SMG1: variants seen among roughly 807,000 people sequenced by gnomAD.
SMG1 encodes the protein serine/threonine-protein kinase SMG1.
A neutral mutation model predicts 419.9 loss-of-function variants in SMG1; 22 were observed. The observed-to-expected ratio is 0.05, with a 90% CI of 0.04 to 0.07. The LOEUF (loss-of-function observed/expected upper bound fraction) is 0.07. Among genes scored for constraint, SMG1 ranks in the 10% least tolerant of loss-of-function variants. The pLI, the probability that SMG1 is intolerant of heterozygous loss-of-function variation, is 1.00. For missense variants in SMG1, 3,185 were observed against 4,342.0 expected, an observed-to-expected ratio of 0.73 and a Z score of 7.49; for synonymous variants, 1,538 against 1,553.5, an observed-to-expected ratio of 0.99 and a Z score of 0.23.
intron 55 of SMG1, among the ~76,000 whole-genome samples, 192 bp from the exon 56 acceptor site, chr16:18,819,846 T>C (rs1385479465): frequency 6.6e-6 from 1 of 152,242 alleles, no homozygotes; most frequent in East Asian, 1.9e-4. Flanking sequence ...GCCAAACATG[T>C]ATGGAGAGAG....
chr16:18,872,848 C>T (rs1035112869), intron 13 of SMG1, among the ~76,000 whole-genome samples: 7 of 152,152 alleles, frequency 4.6e-5, no homozygotes, highest in Non-Finnish European at 7.3e-5. Flanking sequence ...CCTCGTCTAT[C>T]GCTACAGTAA....
intron 35 of SMG1, 125 bp downstream of exon 35, chr16:18,849,824 C>G: frequency 1.1e-6 from 1 of 907,528 alleles, no homozygotes; most frequent in South Asian, 1.8e-5. Context: ...GCAGGGTGTC[C>G]TAGGAAGTTA....
At chr16:18,811,357 T>C (rs2031380719) in intron 62 of SMG1, among the ~76,000 whole-genome samples, 1 of 152,208 alleles carries the variant, frequency 6.6e-6, no homozygotes, top group African/African-American at 2.4e-5. Context: ...ACTTATGGCA[T>C]CATGTCAACT....
intron 1 of SMG1, among the ~76,000 whole-genome samples, chr16:18,919,650 G>GTGTGTGTGTA (rs1314775703): frequency 3.7e-5 from 3 of 82,004 alleles, no homozygotes; most frequent in African/African-American, 1.0e-4. Flanking sequence ...GTGTGTGTGT[G>GTGTGTGTGTA]TATATATACA....
chr16:18,865,015 T>C (rs2035424996), intron 23 of SMG1, among the ~76,000 whole-genome samples: 8 of 152,192 alleles, frequency 5.3e-5, no homozygotes, highest in Admixed American at 5.2e-4. Flanking sequence ...TGGAAAGGCT[T>C]TGTAGAAGGA....
Position 18,892,276 on chromosome 16 carries a change from C to T in SMG1, c.491G>A (p.Arg164Gln). The change falls in exon 4 of 63, where the codon CGA becomes CAA. Residue 164 changes from arginine to glutamine, a missense_variant. Physicochemically the swap from Arg to Gln is conservative, Grantham distance 43 (BLOSUM62 1). Transcript: ENST00000446231. ...CAACTGCTTTACAGTAGCCAATCTTCGGTCTCTGTCGTCTTCCCGGGTGAT... is the reference window on the plus strand; with the variant it reads ...CAACTGCTTTACAGTAGCCAATCTTTGGTCTCTGTCGTCTTCCCGGGTGAT... The part of the protein sequence containing the change: ...RRITREDDRD[R>Q]RLATVKQLKE... 2 of 1,551,624 alleles carry T rather than the reference C, an allele frequency of 1.3e-6. No homozygotes were observed. Among genetic ancestry groups the T allele is most frequent in the Non-Finnish European group, 1.7e-6 (2 of 1,147,040 alleles).
chr16:18,913,549 T>C (rs538214317), intron 1 of SMG1, among the ~76,000 whole-genome samples: 231 of 152,138 alleles, frequency 1.5e-3, no homozygotes, highest in Non-Finnish European at 2.5e-3. Context: ...AGCTAATATA[T>C]GTCACTATGT....
At chr16:18,905,615 A>T (rs1375955602) in intron 1 of SMG1, among the ~76,000 whole-genome samples, 154 of 135,268 alleles carry the variant, frequency 1.1e-3, no homozygotes, top group African/African-American at 2.8e-3. Flanking sequence ...TCTTCATTTC[A>T]TTTTTTTTTT....
intron 1 of SMG1, among the ~76,000 whole-genome samples, chr16:18,910,287 G>C (rs1045936924): frequency 6.7e-6 from 1 of 149,754 alleles, no homozygotes; most frequent in African/African-American, 2.5e-5. Context: ...CTGGAGTGCA[G>C]TGGTGTGATC....
chr16:18,813,911 A>C (rs1173638784), intron 60 of SMG1, among the ~76,000 whole-genome samples: 1 of 151,488 alleles, frequency 6.6e-6, no homozygotes. Flanking sequence ...GGTTCTTGTA[A>C]TTCCAGCTAC....
chr16:18,849,474 G>T (rs1329069434), intron 35 of SMG1, 96 bp from the exon 36 acceptor site: 10 of 1,156,240 alleles, frequency 8.6e-6, no homozygotes, highest in Non-Finnish European at 1.1e-5. Flanking sequence ...CGTGATGTGT[G>T]TCGGCATTAG....
intron 45 of SMG1, 148 bp downstream of exon 45, chr16:18,837,863 ACAT>A: frequency 1.4e-6 from 1 of 724,082 alleles, no homozygotes; most frequent in East Asian, 2.7e-5. Flanking sequence ...TAAAAAGTTA[ACAT>A]CAAACTGCCA....
chr16:18,860,829 TA>T (rs35708183), intron 25 of SMG1, 53 bp from the exon 26 acceptor site: 268,285 of 732,148 alleles, frequency 0.37, 50,289 homozygotes, highest in Middle Eastern at 0.39. Flanking sequence ...GTGGAACCAT[TA>T]AAAAAAAACA....
intron 13 of SMG1, 88 bp from the exon 14 acceptor site, chr16:18,872,712 G>A: frequency 8.6e-7 from 1 of 1,168,972 alleles, no homozygotes; most frequent in South Asian, 1.5e-5. Context: ...AGGGGTATCT[G>A]GACATTTTTA....
intron 13 of SMG1, among the ~76,000 whole-genome samples, chr16:18,874,009 C>T (rs1368860260): frequency 5.9e-5 from 9 of 152,188 alleles, no homozygotes; most frequent in Non-Finnish European, 8.8e-5. Flanking sequence ...TGGTAATAAG[C>T]GAAGCAGCTA....
In SMG1 at chr16:18,817,184, A is replaced by G. The variant is rs561216523; in HGVS notation, c.10074+107T>C. ...CCCCCCGCCCCCCTAACAACCTCTT[A>G]CATACAGTATATGCTCAACGAATGT... On this transcript the variant is annotated intron_variant, in intron 57 of 62. Coordinates refer to ENST00000446231, the MANE Select transcript of SMG1 (RefSeq NM_015092.5). 4.2e-6 allele frequency: 3 copies of G among 712,836 alleles called. No individual in the cohort carries two copies. The African/African-American group carries it at 6.0e-5, about 14-fold the overall frequency. 44.2% of individuals were successfully genotyped at this position (712,836 alleles called of 1,614,324 possible). A position where few individuals can be genotyped will look rare whatever the true frequency, so the allele number is the denominator to read the frequency against.
intron 1 of SMG1, among the ~76,000 whole-genome samples, chr16:18,901,204 C>A (rs1184402375): frequency 6.6e-6 from 1 of 152,034 alleles, no homozygotes; most frequent in Non-Finnish European, 1.5e-5. Context: ...ATAACCAAAT[C>A]TTAATTATCC....
intron 58 of SMG1, 101 bp from the exon 59 acceptor site, chr16:18,815,752 AGT>A (rs1447514520): frequency 1.2e-5 from 12 of 996,860 alleles, no homozygotes; most frequent in African/African-American, 1.6e-5. Context: ...TTCAAATATG[AGT>A]GTGTTTAAAC....
At chr16:18,836,972 G>C (rs1567341745) in intron 46 of SMG1, among the ~76,000 whole-genome samples, 2 of 152,172 alleles carry the variant, frequency 1.3e-5, no homozygotes, top group Non-Finnish European at 2.9e-5. Flanking sequence ...ATGGTAATGA[G>C]AAAACCAAAA....
Sources: gnomAD v4.1 joint callset for allele counts (sites outside exome capture counted in the v4.1 genomes callset) on GRCh38, gnomAD v4.1.1 for gene constraint, MANE v1.5 for transcripts, NCBI Gene and HGNC (gene_info 2026-07-23, HGNC 2026-07-21) for gene names.